The following PCSK4 variants were observed in gnomAD, a reference collection of about 807,000 sequenced individuals.
PCSK4 encodes the protein proprotein convertase subtilisin/kexin type 4, also known as testicular tissue protein Li 135.
In PCSK4, 64 loss-of-function variants were observed where a neutral mutation model predicts 80.3. The observed-to-expected ratio is 0.80, with a 90% confidence interval of 0.65 to 0.98. The LOEUF (loss-of-function observed/expected upper bound fraction) is 0.98. PCSK4 is among the 50% of genes least tolerant of loss of function. The pLI, the probability that PCSK4 is intolerant of heterozygous loss-of-function variation, is 0.00. For synonymous variants in PCSK4, 561 were observed against 487.6 expected, an observed-to-expected ratio of 1.15 and a Z score of -1.98; for missense variants, 1,213 against 1,093.6, an observed-to-expected ratio of 1.11 and a Z score of -1.54.
At position 1,487,854 on chromosome 19, in the gene PCSK4, AGGGGGTCCTGGGGGCAGGTG is replaced by A; in HGVS notation, c.517-13_523del. ...GTAGTCATTGAAGTCATAGCTGGCC[AGGGGGTCCTGGGGGCAGGTG>A]GGGATATGAGGGGGCCGGGAGGCGT... is the stretch of plus-strand genomic sequence containing the variant. On this transcript the variant is annotated splice_acceptor_variant and splice_polypyrimidine_tract_variant and coding_sequence_variant and intron_variant, in exon 5 of 15. Transcript: ENST00000300954. LOFTEE classifies it high-confidence loss of function. 6.6e-7 allele frequency: 1 copy of A among 1,512,454 alleles called. No homozygotes were observed. The highest frequency in any genetic ancestry group is 8.9e-7 in the Non-Finnish European group (1 of 1,121,864). 93.7% of individuals were successfully genotyped at this position (1,512,454 alleles called of 1,614,324 possible).
intron 13 of PCSK4, 90 bp from the exon 14 acceptor site, chr19:1,482,565 C>A (rs1392927827): frequency 1.3e-6 from 2 of 1,484,296 alleles, no homozygotes; most frequent in East Asian, 2.3e-5. Context: ...CCCTTCAGCT[C>A]CCACGCGGGG....
exon 5 of PCSK4, chr19:1,487,819 G>C: frequency 1.3e-6 from 2 of 1,574,764 alleles, no homozygotes; most frequent in Non-Finnish European, 1.7e-6. Flanking sequence ...CGGGGCTGGG[G>C]GTCCGGGTCG....
intron 6 of PCSK4, 83 bp downstream of exon 6, chr19:1,487,520 C>A: frequency 1.6e-6 from 2 of 1,266,656 alleles, no homozygotes; most frequent in South Asian, 2.6e-5. Context: ...GGTGGGCTCC[C>A]GAGTCCTTGG....
chr19:1,488,067 C>CT lies in PCSK4; in HGVS notation c.412dup (p.Ser138LysfsTer42). Reference sequence around the variant, plus strand: ...CCCCTGACTCCAGGCCTGCAGGATGCTCAGGTCTGGTTGGGCCTCGCTGTT... The same window carrying CT: ...CCCCTGACTCCAGGCCTGCAGGATGCTTCAGGTCTGGTTGGGCCTCGCTGTT... On this transcript the variant is annotated frameshift_variant, in exon 4 of 15. Coordinates refer to ENST00000300954, the Ensembl canonical transcript of PCSK4. LOFTEE classifies it high-confidence loss of function. 1 of 1,613,326 alleles carries CT rather than the reference C, an allele frequency of 6.2e-7. No individual in the cohort carries two copies. The highest frequency in any genetic ancestry group is 8.5e-7 in the Non-Finnish European group (1 of 1,179,928).
Position 1,483,703 on chromosome 19 carries a change from C to T in PCSK4, c.1338G>A (p.Trp446Ter). 1.3e-6 allele frequency: 2 copies of T among 1,596,586 alleles called. No homozygotes were observed. The highest frequency in any genetic ancestry group is 8.5e-7 in the Non-Finnish European group (1 of 1,178,202). ...ACTTCCTCTGCGGCTGGGTGGGCAG[C>T]CAGGTGCGGGCGGTGTCCACCAGCA... The change falls in exon 11 of 15, where the codon TGG becomes TGA. Residue 446 changes from tryptophan (W) to a stop codon, truncating the protein, a stop_gained. Transcript: ENST00000300954. LOFTEE classifies it high-confidence loss of function.
At chr19:1,481,736 G>C (rs2084302152) in exon 15 of PCSK4, 2 of 1,475,904 alleles carry the variant, frequency 1.4e-6, no homozygotes, top group Non-Finnish European at 1.8e-6. Flanking sequence ...GCGGGGGCAA[G>C]GTCGCTTTCT....
At chr19:1,487,754 T>A in intron 5 of PCSK4, 31 bp downstream of exon 5, 1 of 1,549,916 alleles carries the variant, frequency 6.5e-7, no homozygotes, top group Non-Finnish European at 8.7e-7. Flanking sequence ...GTACTGGGGC[T>A]TCCCCCGTGT....
At chr19:1,483,979 G>A (rs993590534) in intron 9 of PCSK4, 38 bp from the exon 10 acceptor site, 4 of 1,464,794 alleles carry the variant, frequency 2.7e-6, no homozygotes, top group Non-Finnish European at 3.6e-6. Context: ...GAGCCGCCGG[G>A]CCGCGCCTGG....
chr19:1,482,066 G>A, exon 15 of PCSK4: 1 of 1,555,236 alleles, frequency 6.4e-7, no homozygotes, highest in Non-Finnish European at 8.7e-7. Context: ...GTAGCAGGAG[G>A]CATGGCAGCT....
At chr19:1,485,827 C>T (rs958736698) in intron 8 of PCSK4, among the ~76,000 whole-genome samples, 2 of 151,976 alleles carry the variant, frequency 1.3e-5, no homozygotes, top group African/African-American at 4.8e-5. Context: ...GCTGAGATCG[C>T]GCCACTGCAC....
intron 13 of PCSK4, 192 bp from the exon 14 acceptor site, chr19:1,482,667 T>C (rs1279793516): frequency 1.3e-6 from 1 of 791,976 alleles, no homozygotes; most frequent in Non-Finnish European, 2.0e-6. Flanking sequence ...GCACACCTAC[T>C]GTGCGCCTGT....
At chr19:1,483,127 C>G (rs1487136837) in intron 12 of PCSK4, 107 bp from the exon 13 acceptor site, 1 of 1,268,626 alleles carries the variant, frequency 7.9e-7, no homozygotes. Context: ...GCCGCGTGTC[C>G]TCTGGGTGTG....
intron 8 of PCSK4, 97 bp downstream of exon 8, chr19:1,486,756 T>G: frequency 1.9e-6 from 2 of 1,045,684 alleles, no homozygotes; most frequent in Non-Finnish European, 2.8e-6. Flanking sequence ...CAAAGCAGCT[T>G]TGGGAGGGTG....
chr19:1,484,680 C>T (rs909365370), intron 8 of PCSK4, among the ~76,000 whole-genome samples: 6 of 150,684 alleles, frequency 4.0e-5, no homozygotes, highest in Admixed American at 3.3e-4. Context: ...GGTATGGTGG[C>T]GGGGCACCTG....
Position 1,486,845 on chromosome 19 carries a change from G to A in PCSK4, c.1068+8C>T, listed in dbSNP as rs192848920. 764 of 1,590,778 alleles carry A rather than the reference G, an allele frequency of 4.8e-4. 2 individuals carry two copies. The African/African-American group carries it at 8.9e-3, about 19-fold the overall frequency. ...GGGAGGGGACCCTGTTGGGGCGGCTGCACTCACGATCTGGGGGTCGGTGGC... is the reference window on the plus strand; with the variant it reads ...GGGAGGGGACCCTGTTGGGGCGGCTACACTCACGATCTGGGGGTCGGTGGC... On this transcript the variant is annotated splice_region_variant and intron_variant, in intron 8 of 14. Transcript: ENST00000300954.
chr19:1,481,713 G>C lies in PCSK4; in HGVS notation c.*46C>G, dbSNP rs764985735. On this transcript the variant is annotated 3_prime_UTR_variant, in exon 15 of 15. Transcript: ENST00000300954. ...GGGAGGCAGCATGGCAGCAGTGCCT[G>C]TCAGGGACCCAGGCGGGGGCAAGGT... The C allele has an allele frequency of 2.2e-6, 3 of 1,360,050 alleles. No individual in the cohort carries two copies. The East Asian group carries it at 7.3e-5, about 33-fold the overall frequency. 84.2% of individuals were successfully genotyped at this position (1,360,050 alleles called of 1,614,324 possible).
At chr19:1,488,792 G>A (rs4133069) in intron 2 of PCSK4, among the ~76,000 whole-genome samples, 8,054 of 152,148 alleles carry the variant, frequency 0.053, 233 homozygotes, top group East Asian at 0.077. Flanking sequence ...TGTTGATCAG[G>A]CTGGTCTCGA....
chr19:1,489,971 C>G, intron 1 of PCSK4, 74 bp from the exon 2 acceptor site: 1 of 1,541,872 alleles, frequency 6.5e-7, no homozygotes, highest in African/African-American at 1.4e-5. Context: ...CCGGTAACAG[C>G]CCCCTTCTTT....
chr19:1,485,062 C>T (rs1048015007), intron 8 of PCSK4, among the ~76,000 whole-genome samples: 5 of 151,856 alleles, frequency 3.3e-5, no homozygotes, highest in African/African-American at 7.3e-5. Context: ...GCAGGAGGAT[C>T]GCTTGAGCCT....
Sources: allele counts gnomAD v4.1 joint callset (sites outside exome capture counted in the v4.1 genomes callset), GRCh38; gene constraint gnomAD v4.1.1; transcripts MANE v1.5; gene names NCBI Gene and HGNC (gene_info 2026-07-23, HGNC 2026-07-21).